The following BSPRY variants were observed in gnomAD, a reference collection of about 807,000 sequenced individuals.
BSPRY encodes B box and SPRY domain-containing protein.
A neutral mutation model predicts 38.0 loss-of-function variants in BSPRY; 33 were observed. That is an observed-to-expected ratio of 0.87 (90% CI 0.66 to 1.16). The LOEUF (loss-of-function observed/expected upper bound fraction) is 1.16, where lower values mean the gene tolerates loss of function less well. BSPRY is among the 50% of genes most tolerant of loss of function. BSPRY has a pLI of 0.00. For synonymous variants in BSPRY, 224 were observed against 228.5 expected, an observed-to-expected ratio of 0.98 and a Z score of 0.18; for missense variants, 523 against 533.2, an observed-to-expected ratio of 0.98 and a Z score of 0.19.
chr9:113,360,539 C>A lies in BSPRY; in HGVS notation c.333C>A (p.Ile111=), dbSNP rs780270233. 1.9e-5 allele frequency: 30 copies of A among 1,604,708 alleles called. No homozygotes were observed. The highest frequency in any genetic ancestry group is 2.5e-5 in the Non-Finnish European group (30 of 1,177,262). Residue 111 remains isoleucine (I), a synonymous_variant, in exon 3 of 6, where the codon ATC becomes ATA. Coordinates refer to ENST00000374183, the MANE Select transcript of BSPRY (RefSeq NM_017688.3). ...SMASAARELV[I]QRLSLVRSLC... ...CCAGTGCAGCGAGGGAACTGGTTAT[C>A]CAGCGGTTGAGTCTGGTGAGGAGTC...
At position 113,349,596 on chromosome 9, in the gene BSPRY, C is replaced by G; in HGVS notation, c.17C>G (p.Ala6Gly). 3.4e-6 allele frequency: 4 copies of G among 1,180,364 alleles called. No homozygotes were observed. Among genetic ancestry groups the G allele is most frequent in the Non-Finnish European group, 4.2e-6 (4 of 955,572 alleles). The allele number at this position is 1,180,364 out of a possible 1,614,324, so 73.1% of individuals were successfully genotyped here. A position where few individuals can be genotyped will look rare whatever the true frequency, so the allele number is the denominator to read the frequency against. Residue 6 changes from alanine to glycine, a missense_variant, in exon 1 of 6, where the codon GCG becomes GGG. Physicochemically the swap from Ala to Gly is moderately conservative, Grantham distance 60. Transcript: ENST00000374183. The stretch of plus-strand genomic sequence containing the variant: ...CGCACGGCCATGTCCGCCGAGGGCG[C>G]GGAGCCGGGGCCGGGGTCCGGGTCC... MSAEG[A>G]EPGPGSGSGP... is the part of the protein sequence containing the mutation.
intron 4 of BSPRY, 83 bp from the exon 5 acceptor site, chr9:113,368,176 C>G: frequency 6.5e-7 from 1 of 1,540,170 alleles, no homozygotes; most frequent in Non-Finnish European, 8.9e-7. Context: ...GATTTTACTT[C>G]TGTTCTTCTC....
chr9:113,357,267 TCACAGGCATAGATTCATGTGATTACTAC>T (rs1458902575), intron 2 of BSPRY, among the ~76,000 whole-genome samples: 3 of 152,214 alleles, frequency 2.0e-5, no homozygotes, highest in Non-Finnish European at 4.4e-5. Context: ...AACTATCTTA[TCACAGGCATAGATTCATGTGATTACTAC>T]CACAATTAAA....
intron 2 of BSPRY, among the ~76,000 whole-genome samples, chr9:113,356,033 T>C (rs67452982): frequency 0.34 from 50,994 of 152,120 alleles, 11,015 homozygotes; most frequent in African/African-American, 0.61. Context: ...TTAGGCATTC[T>C]CCAGTGAACA....
At chr9:113,366,365 T>C (rs1292164145) in intron 4 of BSPRY, among the ~76,000 whole-genome samples, 3 of 152,236 alleles carry the variant, frequency 2.0e-5, no homozygotes, top group Non-Finnish European at 4.4e-5. Context: ...CTCAAAGTAG[T>C]GTTCAAAAGT....
intron 2 of BSPRY, among the ~76,000 whole-genome samples, chr9:113,354,765 A>C (rs1434971109): frequency 3.3e-5 from 5 of 152,210 alleles, no homozygotes; most frequent in African/African-American, 1.2e-4. Flanking sequence ...TGACCTGTCC[A>C]AGGACCCCAT....
intron 4 of BSPRY, among the ~76,000 whole-genome samples, chr9:113,363,768 C>T (rs546447855): frequency 9.3e-5 from 14 of 150,098 alleles, no homozygotes; most frequent in African/African-American, 3.2e-4. Context: ...GTCCCAGCTA[C>T]TCAGGAGGCT....
intron 1 of BSPRY, among the ~76,000 whole-genome samples, chr9:113,350,875 A>G (rs1440855094): frequency 6.6e-6 from 1 of 151,902 alleles, no homozygotes; most frequent in African/African-American, 2.4e-5. Flanking sequence ...AAATTTGCAA[A>G]CTCCAAAGTA....
intron 2 of BSPRY, among the ~76,000 whole-genome samples, chr9:113,355,252 C>T (rs1194966328): frequency 6.6e-6 from 1 of 152,196 alleles, no homozygotes; most frequent in African/African-American, 2.4e-5. Flanking sequence ...GAATTTCTTT[C>T]TGCATATCCC....
chr9:113,359,635 G>T (rs1011461963), intron 2 of BSPRY, among the ~76,000 whole-genome samples: 3 of 152,318 alleles, frequency 2.0e-5, no homozygotes, highest in Middle Eastern at 3.4e-3. Flanking sequence ...GGCATCTGGT[G>T]TAGGGGAATG....
chr9:113,366,754 T>C (rs1480918275), intron 4 of BSPRY, among the ~76,000 whole-genome samples: 1 of 152,262 alleles, frequency 6.6e-6, no homozygotes, highest in East Asian at 1.9e-4. Flanking sequence ...TCTGTTGTCC[T>C]GACCACAAAG....
At chr9:113,357,674 T>C (rs1440781054) in intron 2 of BSPRY, among the ~76,000 whole-genome samples, 1 of 151,926 alleles carries the variant, frequency 6.6e-6, no homozygotes, top group Non-Finnish European at 1.5e-5. Context: ...GTATTTTTGG[T>C]CTACTCTTTT....
rs201607280 is a variant in BSPRY at position 113,368,392 on chromosome 9, C to G, written c.682+9C>G. 1.2e-4 allele frequency: 187 copies of G among 1,613,744 alleles called. No homozygotes were observed. Among genetic ancestry groups the G allele is most frequent in the Non-Finnish European group, 7.0e-5 (83 of 1,179,910 alleles). The stretch of plus-strand genomic sequence containing the variant: ...TCTTGGGTCTCTCTCAGGTTAGGAG[C>G]AGTAGAGCCCAGGACCATTAGGACA... On this transcript the variant is annotated intron_variant, in intron 5 of 5. Coordinates refer to ENST00000374183, the MANE Select transcript of BSPRY (RefSeq NM_017688.3).
At chr9:113,361,861 T>C (rs989453611) in intron 3 of BSPRY, among the ~76,000 whole-genome samples, 1 of 152,186 alleles carries the variant, frequency 6.6e-6, no homozygotes, top group Admixed American at 6.5e-5. Context: ...AGGTGGCATC[T>C]GAGTCACAAG....
intron 5 of BSPRY, among the ~76,000 whole-genome samples, chr9:113,368,988 ATT>A (rs35471203): frequency 2.1e-4 from 31 of 145,922 alleles, no homozygotes; most frequent in Admixed American, 4.1e-4. Flanking sequence ...TAATAGACTG[ATT>A]TTTTTTTTTT....
intron 5 of BSPRY, 133 bp from the exon 6 acceptor site, chr9:113,369,483 C>A: frequency 1.1e-6 from 1 of 913,240 alleles, no homozygotes; most frequent in Non-Finnish European, 1.7e-6. Context: ...GTTTTGCAGA[C>A]AAGGCTCAGA....
In BSPRY at chr9:113,360,752, G is replaced by T. The variant is rs1001692855; in HGVS notation, c.531+15G>T. On this transcript the variant is annotated intron_variant, in intron 3 of 5. Transcript: ENST00000374183. ...TCCAGCTGATTGTAAGTCAGGCAAGGGTGAGGGCATGACCAGTTGGCCAGG... is the reference window on the plus strand; with the variant it reads ...TCCAGCTGATTGTAAGTCAGGCAAGTGTGAGGGCATGACCAGTTGGCCAGG... The T allele has an allele frequency of 3.8e-6, 6 of 1,561,612 alleles. No homozygotes were observed. Among genetic ancestry groups the T allele is most frequent in the Non-Finnish European group, 5.2e-6 (6 of 1,152,076 alleles).
chr9:113,351,492 C>G (rs1833970199), intron 1 of BSPRY, among the ~76,000 whole-genome samples: 1 of 152,222 alleles, frequency 6.6e-6, no homozygotes, highest in South Asian at 2.1e-4. Context: ...ATCACAGCTT[C>G]CTCCTAGTCA....
Position 113,354,319 on chromosome 9 carries a change from G to A in BSPRY, c.281G>A (p.Gly94Glu). ...ITKYVADVLP[G>E]KNQRAVSMAS... is the part of the protein sequence containing the mutation. ...AAGTATGTGGCGGACGTCCTGCCGG[G>A]GAAGAATCAAAGAGCAGTGGTAATT... Residue 94 changes from glycine to glutamate, a missense_variant, in exon 2 of 6, where the codon GGG becomes GAG. By Grantham distance (98) the Gly-to-Glu change is moderately conservative. Coordinates refer to ENST00000374183, the MANE Select transcript of BSPRY (RefSeq NM_017688.3). The A allele has an allele frequency of 6.2e-7, 1 of 1,614,016 alleles. No homozygotes were observed. The highest frequency in any genetic ancestry group is 8.5e-7 in the Non-Finnish European group (1 of 1,179,916).
Sources: gnomAD v4.1 joint callset for allele counts (sites outside exome capture counted in the v4.1 genomes callset) on GRCh38, gnomAD v4.1.1 for gene constraint, MANE v1.5 for transcripts, NCBI Gene and HGNC (gene_info 2026-07-23, HGNC 2026-07-21) for gene names.